The following SCN3A variants were observed in gnomAD, a reference collection of about 807,000 sequenced individuals.
The protein encoded by SCN3A is sodium channel protein type 3 subunit alpha.
In SCN3A, 60 loss-of-function variants were observed where a neutral mutation model predicts 187.6. That is an observed-to-expected ratio of 0.32 (90% confidence interval 0.26 to 0.40). The LOEUF is 0.40. SCN3A is among the 10% of genes least tolerant of loss of function. SCN3A has a pLI of 1.00. For synonymous variants in SCN3A, 788 were observed against 829.2 expected, an observed-to-expected ratio of 0.95 and a Z score of 0.85; for missense variants, 1,601 against 2,428.2, an observed-to-expected ratio of 0.66 and a Z score of 7.16.
At chr2:165,172,936 C>T (rs1690198411) in intron 3 of SCN3A, among the ~76,000 whole-genome samples, 1 of 151,998 alleles carries the variant, frequency 6.6e-6, no homozygotes, top group South Asian at 2.1e-4. Context: ...GAAAGAATTG[C>T]AAGAATTTGA....
At chr2:165,118,668 C>A (rs938268968) in intron 18 of SCN3A, among the ~76,000 whole-genome samples, 1 of 152,078 alleles carries the variant, frequency 6.6e-6, no homozygotes, top group Admixed American at 6.6e-5. Context: ...CTCACTGTAT[C>A]CTCAACATCC....
At chr2:165,102,520 T>TA (rs571998698) in intron 21 of SCN3A, among the ~76,000 whole-genome samples, 3,510 of 145,718 alleles carry the variant, frequency 0.024, 101 homozygotes, top group African/African-American at 0.064. Context: ...CTTTTCTCTT[T>TA]AAAAAAAAAA....
intron 16 of SCN3A, 22 bp from the exon 17 acceptor site, chr2:165,130,318 C>T (rs756256735): frequency 1.2e-6 from 2 of 1,604,804 alleles, no homozygotes; most frequent in Admixed American, 3.3e-5. Flanking sequence ...TGAAAAGATG[C>T]TGTTAGTAGT....
intron 21 of SCN3A, among the ~76,000 whole-genome samples, chr2:165,109,570 C>A (rs922500856): frequency 6.6e-6 from 1 of 152,194 alleles, no homozygotes; most frequent in African/African-American, 2.4e-5. Context: ...CCTCTCTTTT[C>A]TTCACTCCAC....
chr2:165,163,077 G>T (rs1689507390), intron 7 of SCN3A, among the ~76,000 whole-genome samples: 1 of 152,110 alleles, frequency 6.6e-6, no homozygotes, highest in African/African-American at 2.4e-5. Flanking sequence ...GGTTTTACAT[G>T]CTGAACAAAC....
Position 165,170,509 on chromosome 2 carries a change from A to G in SCN3A, c.304T>C (p.Phe102Leu). 3 of 1,611,422 alleles carry G rather than the reference A, an allele frequency of 1.9e-6. No individual in the cohort carries two copies. The highest frequency in any genetic ancestry group is 2.5e-6 in the Non-Finnish European group (3 of 1,178,162). ...ATATACAAGGCAGAGGTGGCACTGA[A>G]TCGGAAAATTGCCTTTCCTTTATTC... The part of the protein sequence containing the change: ...VMNKGKAIFR[F>L]SATSALYILT... The change falls in exon 4 of 28, where the codon TTC becomes CTC. Residue 102 changes from phenylalanine (F) to leucine (L), a missense_variant. Transcript: ENST00000283254.
chr2:165,137,954 T>C lies in SCN3A; in HGVS notation c.2316A>G (p.Leu772=). ...VDLAITICIV[L]NTLFMAMEHY... The stretch of plus-strand genomic sequence containing the variant: ...GCTCCATGGCCATAAAGAGGGTATT[T>C]AAGACAATGCAAATAGTGATGGCAA... The change falls in exon 15 of 28, where the codon TTA becomes TTG. Residue 772 remains leucine (L), a synonymous_variant. Coordinates refer to ENST00000283254, the MANE Select transcript of SCN3A (RefSeq NM_006922.4). The C allele has an allele frequency of 6.2e-7, 1 of 1,613,552 alleles. No homozygotes were observed. Among genetic ancestry groups the C allele is most frequent in the Non-Finnish European group, 8.5e-7 (1 of 1,179,556 alleles).
At chr2:165,096,820 A>G (rs556458070) in intron 23 of SCN3A, among the ~76,000 whole-genome samples, 30 of 152,154 alleles carry the variant, frequency 2.0e-4, no homozygotes, top group Non-Finnish European at 4.1e-4. Flanking sequence ...TGTAAGCTCT[A>G]TGATTTGCAT....
intron 5 of SCN3A, among the ~76,000 whole-genome samples, chr2:165,165,572 G>A (rs541554571): frequency 5.9e-5 from 9 of 151,840 alleles, no homozygotes; most frequent in East Asian, 1.9e-4. Context: ...TGCTGTTTTC[G>A]TTTTTTTCCC....
rs1325664578 is a variant in SCN3A, at chr2:165,092,232, T to C, written c.4807+22A>G. ...AACTGTTTCTCTGTAACTATACCTCTTGGTAATTAAGCTGTTCTTACCTAC... is the reference window on the plus strand; with the variant it reads ...AACTGTTTCTCTGTAACTATACCTCCTGGTAATTAAGCTGTTCTTACCTAC... On this transcript the variant is annotated intron_variant, in intron 27 of 27. Transcript: ENST00000283254. The surrounding 1 kb of genome is among the most constrained non-coding windows in gnomAD (Gnocchi z 4.2). 6.2e-7 allele frequency: 1 copy of C among 1,611,992 alleles called. No homozygotes were observed. The highest frequency in any genetic ancestry group is 1.1e-5 in the South Asian group (1 of 91,036).
chr2:165,131,455 A>C, intron 15 of SCN3A, 38 bp from the exon 16 acceptor site: 1 of 1,450,476 alleles, frequency 6.9e-7, no homozygotes, highest in Non-Finnish European at 9.5e-7. Context: ...AAGAGCACTG[A>C]AAAACACTGA....
Position 165,131,268 on chromosome 2 carries a change from C to T in SCN3A, c.2541G>A (p.Leu847=), listed in dbSNP as rs767582704. ...CCAGTCTGAATGATCGCAGTACAGACAATCCCTCCACATTTGACAGACCAA... is the reference window on the plus strand; with the variant it reads ...CCAGTCTGAATGATCGCAGTACAGATAATCCCTCCACATTTGACAGACCAA... ...MELGLSNVEG[L]SVLRSFRLLR... Residue 847 remains leucine, a synonymous_variant, in exon 16 of 28, where the codon TTG becomes TTA. Transcript: ENST00000283254. 2.5e-6 allele frequency: 4 copies of T among 1,596,230 alleles called. No homozygotes were observed. In the East Asian group the frequency reaches 6.8e-5, roughly 27 times the overall value.
intron 1 of SCN3A, among the ~76,000 whole-genome samples, chr2:165,189,084 G>A (rs1296748754): frequency 6.6e-6 from 1 of 152,044 alleles, no homozygotes; most frequent in African/African-American, 2.4e-5. Context: ...AGAAAAAATT[G>A]AAGCATATTG....
At chr2:165,194,850 C>T (rs1026216059) in intron 1 of SCN3A, 10 of 151,964 alleles carry the variant, frequency 6.6e-5, no homozygotes, top group African/African-American at 2.2e-4. Context: ...AAAGTCTTTC[C>T]TGGGATCTGA....
At chr2:165,164,099 T>C (rs766077079) in intron 6 of SCN3A, among the ~76,000 whole-genome samples, 1 of 152,190 alleles carries the variant, frequency 6.6e-6, no homozygotes, top group African/African-American at 2.4e-5. Flanking sequence ...TGAACACATT[T>C]GTTTGCAAAA....
intron 1 of SCN3A, among the ~76,000 whole-genome samples, chr2:165,193,738 T>G (rs1007745595): frequency 6.6e-6 from 1 of 152,140 alleles, no homozygotes; most frequent in African/African-American, 2.4e-5. Flanking sequence ...AGGTATGACT[T>G]ACATTACTTC....
rs375050462 is a variant in SCN3A at position 165,100,376 on chromosome 2, C to G, written c.3892G>C (p.Gly1298Arg). The G allele has an allele frequency of 6.2e-7, 1 of 1,613,726 alleles. No individual in the cohort carries two copies. The highest frequency in any genetic ancestry group is 1.3e-5 in the African/African-American group (1 of 74,960). Residue 1298 changes from glycine (G) to arginine (R), a missense_variant, in exon 22 of 28, where the codon GGT (glycine) becomes CGT (arginine). Transcript: ENST00000283254. ...AATGTCCGTAATGATTTGATGGCACCGAGTTCTGAGTAGCCAAGAGCATTG... is the reference window on the plus strand; with the variant it reads ...AATGTCCGTAATGATTTGATGGCACGGAGTTCTGAGTAGCCAAGAGCATTG... ...VANALGYSELGAIKSLRTLRA... is the reference protein window; with the variant it reads ...VANALGYSELRAIKSLRTLRA...
chr2:165,139,988 C>T (rs1214665107), intron 13 of SCN3A, among the ~76,000 whole-genome samples: 1 of 152,120 alleles, frequency 6.6e-6, no homozygotes, highest in Non-Finnish European at 1.5e-5. Flanking sequence ...AATCTCCCCC[C>T]AATAAATATT....
intron 21 of SCN3A, 124 bp downstream of exon 21, chr2:165,112,761 A>G: frequency 1.2e-6 from 1 of 823,612 alleles, no homozygotes; most frequent in Non-Finnish European, 2.0e-6. Context: ...CATATGTTAC[A>G]GTTTTGTTTA....
Sources: gnomAD v4.1 joint callset for allele counts (sites outside exome capture counted in the v4.1 genomes callset) on GRCh38, gnomAD v4.1.1 for gene constraint, Gnocchi (gnomAD v3.1) non-coding constraint, MANE v1.5 for transcripts, NCBI Gene and HGNC (gene_info 2026-07-23, HGNC 2026-07-21) for gene names.